Variants in ADGRG4 observed in about 807,000 individuals in gnomAD.
ADGRG4 encodes the protein G protein-coupled receptor 112.
Under a neutral mutation model 126.2 loss-of-function variants are expected in ADGRG4, and 122 were observed. The observed-to-expected ratio is 0.97, with a 90% confidence interval of 0.83 to 1.12. ADGRG4 has a LOEUF of 1.12. Ranked by LOEUF, ADGRG4 falls within the 50% of genes most tolerant of loss-of-function variation. The pLI is 0.00. For synonymous variants in ADGRG4, 943 were observed against 838.7 expected (o/e 1.12, Z -2.15); for missense variants, 2,481 against 2,251.8 (o/e 1.10, Z -2.06).
chrX:136,390,081 C>T (rs1237697411), intron 16 of ADGRG4, among the ~76,000 whole-genome samples: 2 of 111,837 alleles, frequency 1.8e-5, no homozygotes, highest in Admixed American at 9.5e-5. Flanking sequence ...GACAGGATCT[C>T]GCTCTGCCAC....
intron 11 of ADGRG4, among the ~76,000 whole-genome samples, chrX:136,359,673 G>T: frequency 9.1e-6 from 1 of 110,482 alleles, no homozygotes; most frequent in Non-Finnish European, 1.9e-5. Flanking sequence ...AGAGACTGCT[G>T]GTCAGCTCTG....
chrX:136,330,431 G>A (rs759989007), intron 5 of ADGRG4, among the ~76,000 whole-genome samples: 23 of 108,509 alleles, frequency 2.1e-4, no homozygotes, highest in Admixed American at 6.9e-4. Flanking sequence ...AGAGCCATCC[G>A]GGTTGTTGAG....
At chrX:136,371,832 G>T (rs1368793021) in intron 14 of ADGRG4, among the ~76,000 whole-genome samples, 1 of 111,114 alleles carries the variant, frequency 9.0e-6, no homozygotes, top group Non-Finnish European at 1.9e-5. Context: ...ACAAAAATAC[G>T]ACCCTATTTT....
chrX:136,315,520 A>G, intron 4 of ADGRG4, among the ~76,000 whole-genome samples: 1 of 110,789 alleles, frequency 9.0e-6, no homozygotes, highest in Non-Finnish European at 1.9e-5. Context: ...TATAAACACA[A>G]CTGATGCCTC....
chrX:136,405,766 T>G lies in ADGRG4; in HGVS notation c.8729T>G (p.Leu2910Arg), dbSNP rs1603300942. 3 of 1,199,288 alleles carry G rather than the reference T, an allele frequency of 2.5e-6. No individual in the cohort carries two copies. The East Asian group carries it at 8.9e-5, about 36-fold the overall frequency. ...AYFCLIFLMNLSMFCTVLVQL... is the reference protein window; with the variant it reads ...AYFCLIFLMNRSMFCTVLVQL... ...TTTTGCCTCATATTTCTCATGAATCTCTCCATGTTCTGCACTGTTCTTGTT... is the reference window on the plus strand; with the variant it reads ...TTTTGCCTCATATTTCTCATGAATCGCTCCATGTTCTGCACTGTTCTTGTT... Residue 2910 changes from leucine to arginine, a missense_variant, in exon 23 of 26, where the codon CTC (leucine) becomes CGC (arginine). By Grantham distance (102) the Leu-to-Arg change is moderately radical (BLOSUM62 -2). Transcript: ENST00000394143.
intron 19 of ADGRG4, among the ~76,000 whole-genome samples, chrX:136,396,403 AT>A (rs1307325946): frequency 1.7e-4 from 17 of 100,573 alleles, no homozygotes; most frequent in East Asian, 6.0e-4. Context: ...ATATATATAT[AT>A]TTTTTTTTTG....
chrX:136,415,132 A>G (rs1438830061), intron 25 of ADGRG4, among the ~76,000 whole-genome samples: 2 of 111,919 alleles, frequency 1.8e-5, no homozygotes, highest in Non-Finnish European at 3.8e-5. Flanking sequence ...AGACCAAAGT[A>G]TACTCCAGTT....
intron 1 of ADGRG4, among the ~76,000 whole-genome samples, chrX:136,301,266 A>G (rs996753649): frequency 1.8e-5 from 2 of 111,859 alleles, no homozygotes; most frequent in Non-Finnish European, 3.8e-5. Flanking sequence ...CTGACTTTTT[A>G]ATGATCGCCA....
intron 13 of ADGRG4, among the ~76,000 whole-genome samples, chrX:136,365,318 T>C (rs377766358): frequency 3.3e-4 from 37 of 111,412 alleles, no homozygotes; most frequent in African/African-American, 1.2e-3. Flanking sequence ...CAACCACTAA[T>C]CTACTTTTTT....
chrX:136,331,059 T>C (rs759456389), intron 5 of ADGRG4, among the ~76,000 whole-genome samples: 46 of 110,605 alleles, frequency 4.2e-4, no homozygotes, highest in Admixed American at 1.3e-3. Flanking sequence ...TTCAATTGTT[T>C]TGATTTTTGT....
In ADGRG4 at chrX:136,363,027, G is replaced by T. The variant is rs185754614; in HGVS notation, c.7278-450G>T. ...GGCTTGAATTGGGTGAGGCACAGGG[G>T]AGGGTGGATGATGAGGGCCGATGGG... On this transcript the variant is annotated intron_variant, in intron 12 of 25. Coordinates refer to ENST00000394143, the MANE Select transcript of ADGRG4 (RefSeq NM_153834.4). Among the ~76,000 whole-genome samples, 91 of 111,435 alleles carry T rather than the reference G, an allele frequency of 8.2e-4. 1 individual carries two copies. The highest frequency in any genetic ancestry group is 1.2e-3 in the Non-Finnish European group (63 of 53,053).
Position 136,349,107 on chromosome X carries a change from T to A in ADGRG4, c.5401T>A (p.Leu1801Met), listed in dbSNP as rs1050648886. The change falls in exon 6 of 26, where the codon TTG (leucine) becomes ATG (methionine). Residue 1801 changes from leucine to methionine, a missense_variant. Transcript: ENST00000394143. ...TTCTAATACTAGAAAGATGACTTCC[T>A]TGTTAGAAAAGACTTCCTTAACAAA... ...FSSNTRKMTS[L>M]LEKTSLTNYA... 8.3e-7 allele frequency: 1 copy of A among 1,207,097 alleles called. No homozygotes were observed. The highest frequency in any genetic ancestry group is 1.1e-6 in the Non-Finnish European group (1 of 891,962).
intron 4 of ADGRG4, among the ~76,000 whole-genome samples, chrX:136,322,198 A>G (rs2148450575): frequency 9.0e-6 from 1 of 111,556 alleles, no homozygotes; most frequent in Non-Finnish European, 1.9e-5. Context: ...CCTGAGTACA[A>G]ACAAGTCCCA....
intron 15 of ADGRG4, among the ~76,000 whole-genome samples, chrX:136,383,990 C>T (rs1039813063): frequency 1.1e-4 from 12 of 109,324 alleles, no homozygotes; most frequent in Non-Finnish European, 2.1e-4. Context: ...CTCTCGGGTT[C>T]AAGCGATTCT....
At chrX:136,358,036 G>A (rs2075105151) in intron 10 of ADGRG4, among the ~76,000 whole-genome samples, 2 of 111,604 alleles carry the variant, frequency 1.8e-5, no homozygotes, top group South Asian at 3.8e-4. Flanking sequence ...GTTTGTTTTG[G>A]TCAAAAAGGT....
intron 15 of ADGRG4, among the ~76,000 whole-genome samples, chrX:136,376,633 G>GTATTT (rs200926796): frequency 0.21 from 7,152 of 34,433 alleles, 231 homozygotes; most frequent in African/African-American, 0.31. Context: ...CCTGGGTATT[G>GTATTT]TATTGTATTG....
At chrX:136,339,529 C>G (rs1451019459) in intron 5 of ADGRG4, among the ~76,000 whole-genome samples, 1 of 111,742 alleles carries the variant, frequency 8.9e-6, no homozygotes, top group Non-Finnish European at 1.9e-5. Flanking sequence ...CAGAGGGACT[C>G]CCATTTGATC....
chrX:136,400,002 C>T lies in ADGRG4; in HGVS notation c.8461C>T (p.Leu2821Phe), dbSNP rs2075371668. 1 of 1,210,845 alleles carries T rather than the reference C, an allele frequency of 8.3e-7. No individual in the cohort carries two copies. The highest frequency in any genetic ancestry group is 1.1e-6 in the Non-Finnish European group (1 of 894,732). ...TGCAGTGGCACTTCATTACTTCCTGCTTGTTTCTTTTACTTGGATGGGCCT... is the reference window on the plus strand; with the variant it reads ...TGCAGTGGCACTTCATTACTTCCTGTTTGTTTCTTTTACTTGGATGGGCCT... ...TAAVALHYFLLVSFTWMGLEA... is the reference protein window; with the variant it reads ...TAAVALHYFLFVSFTWMGLEA... The change falls in exon 21 of 26, where the codon CTT (leucine) becomes TTT (phenylalanine). Residue 2821 changes from leucine to phenylalanine, a missense_variant. Coordinates refer to ENST00000394143, the MANE Select transcript of ADGRG4 (RefSeq NM_153834.4).
intron 13 of ADGRG4, among the ~76,000 whole-genome samples, chrX:136,368,926 C>T (rs2075175659): frequency 8.9e-6 from 1 of 112,248 alleles, no homozygotes; most frequent in Admixed American, 9.4e-5. Context: ...AAAGTTGGCT[C>T]CAGCACATCA....
Sources: allele counts gnomAD v4.1 joint callset (sites outside exome capture counted in the v4.1 genomes callset), GRCh38; gene constraint gnomAD v4.1.1; transcripts MANE v1.5; gene names NCBI Gene and HGNC (gene_info 2026-07-23, HGNC 2026-07-21).